Variants in RRP7A observed in about 807,000 individuals in gnomAD.
RRP7A encodes ribosomal RNA processing 7 homolog A.
In RRP7A, 27 loss-of-function variants were observed where a neutral mutation model predicts 38.4. That is an observed-to-expected ratio of 0.70 (90% CI 0.52 to 0.97). The LOEUF (loss-of-function observed/expected upper bound fraction) is 0.97, where lower values mean the gene tolerates loss of function less well. Among genes scored for constraint, RRP7A ranks in the 50% least tolerant of loss-of-function variants. The pLI, the probability that RRP7A is intolerant of heterozygous loss-of-function variation, is 0.00. For missense variants in RRP7A, 327 were observed against 375.4 expected (o/e 0.87, Z 1.07); for synonymous variants, 124 against 150.3 (o/e 0.83, Z 1.28).
In RRP7A at chr22:42,518,058, A is replaced by T. The variant is rs1220809681; in HGVS notation, c.163T>A (p.Trp55Arg). The T allele has an allele frequency of 2.4e-5, 39 of 1,614,106 alleles. 1 individual carries two copies. The highest frequency in any genetic ancestry group is 3.3e-5 in the Non-Finnish European group (39 of 1,179,984). ...HGVRQGTKST[W>R]PQKRTLFVLN... ...ACAAAAAGAGTCCTCTTCTGAGGCC[A>T]GGTGGACTTGGTGCCTTGTCGAACG... The change falls in exon 2 of 7, where the codon TGG (tryptophan) becomes AGG (arginine). Residue 55 changes from tryptophan to arginine, a missense_variant. Transcript: ENST00000323013.
intron 1 of RRP7A, chr22:42,518,527 T>G: frequency 2.3e-6 from 1 of 437,244 alleles, no homozygotes; most frequent in Non-Finnish European, 4.8e-6. Flanking sequence ...CCCAGCACCT[T>G]GGATTCTCTG....
chr22:42,517,342 TAAAAAAAAAAAAAA>T (rs71184902), intron 2 of RRP7A, among the ~76,000 whole-genome samples: 1 of 117,532 alleles, frequency 8.5e-6, no homozygotes, highest in Non-Finnish European at 1.8e-5. Flanking sequence ...TTAGTTTTTG[TAAAAAAAAAAAAAA>T]AAAAAAAAAA....
rs60335800 is a variant in RRP7A, at chr22:42,509,964, C to CT, written c.*2945dup. 0.017 allele frequency: 2,139 copies of CT among 122,828 alleles called. 50 individuals carry two copies. The highest frequency in any genetic ancestry group is 0.05 in the African/African-American group (1,661 of 33,554). 7.6% of individuals were successfully genotyped at this position (122,828 alleles called of 1,614,324 possible). A position where few individuals can be genotyped will look rare whatever the true frequency, so the allele number is the denominator to read the frequency against. On this transcript the variant is annotated 3_prime_UTR_variant, in exon 7 of 7. Transcript: ENST00000323013. ...GTATTAAAAACCACGGGATTGTAGA[C>CT]TTTTTTTTTTTTTTTTTTGAGATGG... is the stretch of plus-strand genomic sequence containing the variant.
chr22:42,514,135 G>A lies in RRP7A; in HGVS notation c.728C>T (p.Ala243Val), dbSNP rs769103857. The change falls in exon 6 of 7, where the codon GCC becomes GTC. Residue 243 changes from alanine (A) to valine (V), a missense_variant. Transcript: ENST00000323013. ...CATCTTGCTCTCTCGATGCTGCCAG[G>A]CGTAGAAGTTGAGCAGCTCTTTTCG... is the stretch of plus-strand genomic sequence containing the variant. Reference protein sequence around the residue: ...RSRKELLNFYAWQHRESKMEH... With the variant: ...RSRKELLNFYVWQHRESKMEH... 1 of 1,613,454 alleles carries A rather than the reference G, an allele frequency of 6.2e-7. No individual in the cohort carries two copies. The highest frequency in any genetic ancestry group is 1.1e-5 in the South Asian group (1 of 91,016).
Position 42,514,946 on chromosome 22 carries a change from TGCCTGTGCC to T in RRP7A, c.461-176_461-168del, listed in dbSNP as rs1024309228. On this transcript the variant is annotated intron_variant, in intron 4 of 6. Coordinates refer to ENST00000323013, the MANE Select transcript of RRP7A (RefSeq NM_015703.5). ...GCGCCCTCGCTCTGCCTGCCCAGTA[TGCCTGTGCC>T]GCTCTGTGCCAGGGGCTCAGGCTAA... Among the ~76,000 whole-genome samples, 14 of 150,766 alleles carry T rather than the reference TGCCTGTGCC, an allele frequency of 9.3e-5. 1 individual carries two copies. The South Asian group carries it at 2.3e-3, about 25-fold the overall frequency.
At chr22:42,517,763 G>A (rs574046008) in intron 2 of RRP7A, among the ~76,000 whole-genome samples, 1,997 of 152,140 alleles carry the variant, frequency 0.013, 27 homozygotes, top group African/African-American at 0.045. Flanking sequence ...CAGGTGATCC[G>A]CCCGCCTCAG....
Position 42,511,534 on chromosome 22 carries a change from C to T in RRP7A, c.*1376G>A, listed in dbSNP as rs767776553. ...AACACCTGGCTGCCTCATCCCTCTG[C>T]ACCCATCACGCCAGTGGGCATGCTG... On this transcript the variant is annotated 3_prime_UTR_variant, in exon 7 of 7. Transcript: ENST00000323013. 10 of 162,022 alleles carry T rather than the reference C, an allele frequency of 6.2e-5. No individual in the cohort carries two copies. Among genetic ancestry groups the T allele is most frequent in the Admixed American group, 5.6e-4 (9 of 16,110 alleles). The allele number at this position is 162,022 out of a possible 1,614,324, so 10.0% of individuals were successfully genotyped here. A position where few individuals can be genotyped will look rare whatever the true frequency, so the allele number is the denominator to read the frequency against.
Position 42,519,758 on chromosome 22 carries a change from G to T in RRP7A, c.29C>A (p.Ala10Glu), listed in dbSNP as rs749715146. The T allele has an allele frequency of 1.7e-5, 24 of 1,453,154 alleles. No individual in the cohort carries two copies. The South Asian group carries it at 2.5e-4, about 15-fold the overall frequency. 90.0% of individuals were successfully genotyped at this position (1,453,154 alleles called of 1,614,324 possible). Reference protein sequence around the residue: MVARRRKCAARDPEDRIPSP... With the variant: MVARRRKCAERDPEDRIPSP... The stretch of plus-strand genomic sequence containing the variant: ...GGGGATACGGTCCTCCGGGTCCCGC[G>T]CGGCGCACTTCCTCCTGCGCGCCAC... The change falls in exon 1 of 7, where the codon GCG (alanine) becomes GAG (glutamate). Residue 10 changes from alanine (A) to glutamate (E), a missense_variant. By Grantham distance (107) the Ala-to-Glu change is moderately radical (BLOSUM62 -1). This residue lies in a region of RRP7A where 183 missense variants were observed against 141.8 expected (regional missense o/e 1.29). Coordinates refer to ENST00000323013, the MANE Select transcript of RRP7A (RefSeq NM_015703.5).
At chr22:42,513,503 CAG>C (rs1186659143) in intron 6 of RRP7A, among the ~76,000 whole-genome samples, 1 of 111,270 alleles carries the variant, frequency 9.0e-6, no homozygotes, top group Non-Finnish European at 1.9e-5. Flanking sequence ...GCGGGCGGCT[CAG>C]GGCCTGCCGC....
chr22:42,517,896 TC>T, intron 2 of RRP7A, 108 bp downstream of exon 2: 1 of 1,306,160 alleles, frequency 7.7e-7, no homozygotes, highest in Non-Finnish European at 1.1e-6. Context: ...GACACTCTCC[TC>T]TGGGGCTCCC....
At position 42,514,093 on chromosome 22, in the gene RRP7A, G is replaced by C. The variant is rs191213264; in HGVS notation, c.757+13C>G. ...AGGCCGAGGGGTCTGAGGATGGACT[G>C]GGGGTGGCTTACGCTCCATCTTGCT... On this transcript the variant is annotated intron_variant, in intron 6 of 6. Coordinates refer to ENST00000323013, the MANE Select transcript of RRP7A (RefSeq NM_015703.5). The C allele has an allele frequency of 4.2e-3, 6,727 of 1,594,364 alleles. 82 individuals carry two copies. The African/African-American group carries it at 0.052, about 12-fold the overall frequency.
chr22:42,510,922 A>C lies in RRP7A; in HGVS notation c.*1988T>G, dbSNP rs1932439063. The C allele has an allele frequency of 4.3e-6, 2 of 467,862 alleles. No homozygotes were observed. The highest frequency in any genetic ancestry group is 8.7e-5 in the East Asian group (1 of 11,458). The allele number at this position is 467,862 out of a possible 1,614,324, so 29.0% of individuals were successfully genotyped here. On this transcript the variant is annotated 3_prime_UTR_variant, in exon 7 of 7. Coordinates refer to ENST00000323013, the MANE Select transcript of RRP7A (RefSeq NM_015703.5). ...GGACACATGTAATCAGAATTTAAGA[A>C]ACAGAGACCTTTGGTGGGGAGGTTC...
At chr22:42,516,659 A>G (rs989430165) in intron 2 of RRP7A, among the ~76,000 whole-genome samples, 5 of 152,306 alleles carry the variant, frequency 3.3e-5, no homozygotes, top group Admixed American at 1.3e-4. Flanking sequence ...TCTTGCTGTT[A>G]TTCTGATTTC....
intron 2 of RRP7A, among the ~76,000 whole-genome samples, chr22:42,517,295 A>G (rs549378722): frequency 6.9e-6 from 1 of 145,132 alleles, no homozygotes; most frequent in African/African-American, 2.6e-5. Flanking sequence ...TAAATTAAAT[A>G]AATAAATAAA....
rs138516959 is a variant in RRP7A, at chr22:42,510,879, C to G, written c.*2031G>C. Reference sequence around the variant, plus strand: ...CTATCAGGCCTCATGCTCCAGTGATCAGTCCCTAGAGGCCTGGGGACACAT... The same window carrying G: ...CTATCAGGCCTCATGCTCCAGTGATGAGTCCCTAGAGGCCTGGGGACACAT... On this transcript the variant is annotated 3_prime_UTR_variant, in exon 7 of 7. Transcript: ENST00000323013. 17 of 904,212 alleles carry G rather than the reference C, an allele frequency of 1.9e-5. No homozygotes were observed. Among genetic ancestry groups the G allele is most frequent in the Non-Finnish European group, 2.0e-5 (14 of 703,162 alleles). The allele number at this position is 904,212 out of a possible 1,614,324, so 56.0% of individuals were successfully genotyped here.
At chr22:42,518,974 T>C (rs529709243) in intron 1 of RRP7A, among the ~76,000 whole-genome samples, 1 of 146,440 alleles carries the variant, frequency 6.8e-6, no homozygotes, top group East Asian at 1.9e-4. Flanking sequence ...CTTCTTTCCA[T>C]AGGCCATCAC....
chr22:42,519,398 G>A (rs1227302136), intron 1 of RRP7A, among the ~76,000 whole-genome samples: 1 of 152,216 alleles, frequency 6.6e-6, no homozygotes, highest in African/African-American at 2.4e-5. Flanking sequence ...GCGATGAGAA[G>A]GGGATGGGCT....
At position 42,512,898 on chromosome 22, in the gene RRP7A, G is replaced by T. The variant is rs537243578; in HGVS notation, c.*12C>A. 6.2e-7 allele frequency: 1 copy of T among 1,612,048 alleles called. No individual in the cohort carries two copies. Among genetic ancestry groups the T allele is most frequent in the Admixed American group, 1.7e-5 (1 of 59,946 alleles). ...CCCTGCACCTCCAGCCATTCACTGC[G>T]GCTCTCACAGCTCAGTACGGTCGGA... On this transcript the variant is annotated 3_prime_UTR_variant, in exon 7 of 7. Coordinates refer to ENST00000323013, the MANE Select transcript of RRP7A (RefSeq NM_015703.5).
rs936409811 is a variant in RRP7A, at chr22:42,510,875, T to C, written c.*2035A>G. ...GGATCTATCAGGCCTCATGCTCCAGTGATCAGTCCCTAGAGGCCTGGGGAC... is the reference window on the plus strand; with the variant it reads ...GGATCTATCAGGCCTCATGCTCCAGCGATCAGTCCCTAGAGGCCTGGGGAC... On this transcript the variant is annotated 3_prime_UTR_variant, in exon 7 of 7. Transcript: ENST00000323013. 2.5e-5 allele frequency: 23 copies of C among 929,596 alleles called. No individual in the cohort carries two copies. In the African/African-American group the frequency reaches 3.9e-4, roughly 16 times the overall value. 57.6% of individuals were successfully genotyped at this position (929,596 alleles called of 1,614,324 possible). A position where few individuals can be genotyped will look rare whatever the true frequency, so the allele number is the denominator to read the frequency against.
Sources: allele counts gnomAD v4.1 joint callset (sites outside exome capture counted in the v4.1 genomes callset), GRCh38; gene constraint gnomAD v4.1.1; regional missense constraint gnomAD v4.1.1; transcripts MANE v1.5; gene names NCBI Gene and HGNC (gene_info 2026-07-23, HGNC 2026-07-21).